The following NKAIN2 variants were observed in gnomAD, a reference collection of about 807,000 sequenced individuals.
NKAIN2 encodes the protein sodium/potassium transporting ATPase interacting 2.
A neutral mutation model predicts 32.6 loss-of-function variants in NKAIN2; 14 were observed. The observed-to-expected ratio is 0.43, with a 90% CI of 0.28 to 0.67. The LOEUF (loss-of-function observed/expected upper bound fraction) is 0.67. Ranked by LOEUF, NKAIN2 falls within the 30% of genes least tolerant of loss-of-function variation. NKAIN2 has a pLI of 0.17. For missense variants in NKAIN2, 198 were observed against 258.3 expected (o/e 0.77, Z 1.60); for synonymous variants, 80 against 87.2 (o/e 0.92, Z 0.46).
intron 3 of NKAIN2, among the ~76,000 whole-genome samples, chr6:124,358,988 T>C (rs541918735): frequency 0.13 from 18,971 of 148,650 alleles, 1,260 homozygotes; most frequent in African/African-American, 0.18. Context: ...GCTTTCTCCA[T>C]ATGGCTAGCC....
chr6:124,178,479 A>G (rs1789277047), intron 1 of NKAIN2, among the ~76,000 whole-genome samples: 1 of 151,784 alleles, frequency 6.6e-6, no homozygotes, highest in African/African-American at 2.4e-5. Context: ...TTGTATTTTT[A>G]GTAGAGATGG....
At chr6:123,877,844 A>G (rs1339438767) in intron 1 of NKAIN2, among the ~76,000 whole-genome samples, 1 of 152,200 alleles carries the variant, frequency 6.6e-6, no homozygotes, top group Non-Finnish European at 1.5e-5. Flanking sequence ...GGTTTTCGAA[A>G]GTAACTTTTA....
intron 4 of NKAIN2, among the ~76,000 whole-genome samples, chr6:124,711,510 T>G (rs1267900844): frequency 1.3e-5 from 2 of 151,112 alleles, no homozygotes; most frequent in Non-Finnish European, 2.9e-5. Flanking sequence ...TGGAGTCTTC[T>G]CTCATTTCTT....
chr6:124,025,253 C>G (rs1781051517), intron 1 of NKAIN2, among the ~76,000 whole-genome samples: 1 of 152,060 alleles, frequency 6.6e-6, no homozygotes, highest in Non-Finnish European at 1.5e-5. Flanking sequence ...TTGAGGTAGC[C>G]ATTGTTTCTT....
At chr6:123,916,527 T>C (rs1336844015) in intron 1 of NKAIN2, among the ~76,000 whole-genome samples, 1 of 152,078 alleles carries the variant, frequency 6.6e-6, no homozygotes, top group South Asian at 2.1e-4. Context: ...GCCTCCCAAG[T>C]GGTGGAATTA....
intron 1 of NKAIN2, among the ~76,000 whole-genome samples, chr6:124,112,694 T>C (rs1785438349): frequency 6.6e-6 from 1 of 152,142 alleles, no homozygotes; most frequent in Non-Finnish European, 1.5e-5. Flanking sequence ...TTCCATAATT[T>C]GTATATTGGT....
chr6:124,042,805 C>G (rs1366315762), intron 1 of NKAIN2, among the ~76,000 whole-genome samples: 1 of 151,930 alleles, frequency 6.6e-6, no homozygotes, highest in Non-Finnish European at 1.5e-5. Context: ...ACCGAAACAC[C>G]TAGAGTGTCC....
chr6:124,415,878 CTTT>C, intron 3 of NKAIN2, among the ~76,000 whole-genome samples: 2 of 72,602 alleles, frequency 2.8e-5, no homozygotes, highest in South Asian at 5.6e-4. Flanking sequence ...TTTTTATTTG[CTTT>C]TTTTTTTTTT....
intron 3 of NKAIN2, among the ~76,000 whole-genome samples, chr6:124,415,412 G>A (rs888335005): frequency 1.3e-5 from 2 of 152,218 alleles, no homozygotes; most frequent in Admixed American, 6.5e-5. Flanking sequence ...GGCGAGGCAT[G>A]GGGGATGGAG....
chr6:124,389,590 T>C (rs2114407940), intron 3 of NKAIN2, among the ~76,000 whole-genome samples: 1 of 152,198 alleles, frequency 6.6e-6, no homozygotes. Context: ...ATAGACTACC[T>C]TACAAGTCAG....
chr6:124,080,405 TA>T (rs777321288), intron 1 of NKAIN2, among the ~76,000 whole-genome samples: 17 of 152,262 alleles, frequency 1.1e-4, no homozygotes, highest in Non-Finnish European at 2.2e-4. Context: ...TTTTCTTACT[TA>T]AATCATTTTG....
chr6:124,594,215 G>T (rs1782005166), intron 3 of NKAIN2, among the ~76,000 whole-genome samples: 1 of 152,234 alleles, frequency 6.6e-6, no homozygotes, highest in South Asian at 2.1e-4. Context: ...TACAGTGAAA[G>T]TCATGAATTT....
chr6:124,277,238 C>G (rs1369001443), intron 1 of NKAIN2, among the ~76,000 whole-genome samples: 12 of 152,048 alleles, frequency 7.9e-5, no homozygotes, highest in Admixed American at 7.9e-4. Context: ...AACAAACAAA[C>G]GAATGTTAGC....
chr6:124,470,789 A>G (rs1776940543), intron 3 of NKAIN2, among the ~76,000 whole-genome samples: 3 of 152,204 alleles, frequency 2.0e-5, no homozygotes, highest in Admixed American at 2.0e-4. Flanking sequence ...AGTTATAGCA[A>G]AAAAACAAGA....
intron 1 of NKAIN2, among the ~76,000 whole-genome samples, chr6:124,046,180 A>G (rs867888784): frequency 2.6e-5 from 4 of 152,078 alleles, no homozygotes; most frequent in Middle Eastern, 3.4e-3. Flanking sequence ...TATCTTAAAA[A>G]CTACTCAGTC....
chr6:123,974,797 C>T (rs763251702), intron 1 of NKAIN2, among the ~76,000 whole-genome samples: 9 of 152,262 alleles, frequency 5.9e-5, no homozygotes, highest in East Asian at 3.9e-4. Flanking sequence ...TAAGTTCTAA[C>T]GGAACATTTT....
chr6:124,475,701 A>C (rs1777168799), intron 3 of NKAIN2, among the ~76,000 whole-genome samples: 1 of 152,116 alleles, frequency 6.6e-6, no homozygotes, highest in Non-Finnish European at 1.5e-5. Context: ...TGCTGGAGAT[A>C]ATTTTAACCA....
At chr6:123,940,095 A>G (rs1186477556) in intron 1 of NKAIN2, among the ~76,000 whole-genome samples, 1 of 151,834 alleles carries the variant, frequency 6.6e-6, no homozygotes, top group Non-Finnish European at 1.5e-5. Flanking sequence ...CATACATTAA[A>G]AAATTACTTG....
At chr6:123,994,573 G>A (rs558069975) in intron 1 of NKAIN2, among the ~76,000 whole-genome samples, 1 of 152,198 alleles carries the variant, frequency 6.6e-6, no homozygotes, top group African/African-American at 2.4e-5. Context: ...AGTGAGAAAA[G>A]CATAATCTAG....
Sources: gnomAD v4.1 joint callset for allele counts (sites outside exome capture counted in the v4.1 genomes callset) on GRCh38, gnomAD v4.1.1 for gene constraint, MANE v1.5 for transcripts, NCBI Gene and HGNC (gene_info 2026-07-23, HGNC 2026-07-21) for gene names.